Variants in INSR observed in about 807,000 individuals in gnomAD.
The protein encoded by INSR is IR.
In INSR, 67 loss-of-function variants were observed where a neutral mutation model predicts 142.6. The ratio of observed to expected loss-of-function variants is 0.47; its 90% CI spans 0.39 to 0.58. INSR has a LOEUF of 0.58. Ranked by LOEUF, INSR falls within the 20% of genes least tolerant of loss-of-function variation. The probability of loss-of-function intolerance (pLI) is 0.00; values close to 1 mark genes in which losing one functional copy is unlikely to be tolerated. For missense variants in INSR, 1,248 were observed against 1,833.2 expected, an observed-to-expected ratio of 0.68 and a Z score of 5.83; for synonymous variants, 756 against 743.1, an observed-to-expected ratio of 1.02 and a Z score of -0.28.
At chr19:7,199,015 C>G (rs1239109309) in intron 2 of INSR, among the ~76,000 whole-genome samples, 2 of 151,996 alleles carry the variant, frequency 1.3e-5, no homozygotes, top group African/African-American at 4.8e-5. Context: ...TCCCGAGTAG[C>G]TGGGACTACA....
At chr19:7,201,866 T>C (rs868145908) in intron 2 of INSR, among the ~76,000 whole-genome samples, 5 of 152,098 alleles carry the variant, frequency 3.3e-5, no homozygotes, top group Middle Eastern at 6.8e-3. Context: ...TTTCACCGTG[T>C]TAACCAGGAT....
rs879609931 is a variant in INSR at position 7,207,946 on chromosome 19, G to GAAGGAAGGAAGGA, written c.653-23310_653-23309insTCCTTCCTTCCTT. On this transcript the variant is annotated intron_variant, in intron 2 of 21. Coordinates refer to ENST00000302850, the MANE Select transcript of INSR (RefSeq NM_000208.4). ...GAAGGAAGGAAGGAAGGAAGGGAAG[G>GAAGGAAGGAAGGA]AGGGAGGGAGGGAGGGAGGGAGGCA... 1.3e-4 allele frequency among the ~76,000 whole-genome samples: 7 copies of GAAGGAAGGAAGGA among 54,954 alleles called. No homozygotes were observed. In the East Asian group the frequency reaches 3.0e-3, roughly 24 times the overall value. 36.1% of individuals were successfully genotyped at this position (54,954 alleles called of 152,430 possible). A position where few individuals can be genotyped will look rare whatever the true frequency, so the allele number is the denominator to read the frequency against.
chr19:7,150,587 C>G lies in INSR; in HGVS notation c.2232-55G>C. ...ACAGAGGGAACTTCATTAGACAGAC[C>G]ACTGGGCTCTGACACTTGGAGGCCA... On this transcript the variant is annotated intron_variant, in intron 10 of 21. Transcript: ENST00000302850. The surrounding 1 kb of genome is among the most constrained non-coding windows in gnomAD (Gnocchi z 4.2). The G allele has an allele frequency of 2.5e-6, 4 of 1,575,432 alleles. No individual in the cohort carries two copies. Among genetic ancestry groups the G allele is most frequent in the Non-Finnish European group, 3.5e-6 (4 of 1,145,676 alleles).
At chr19:7,123,702 C>T (rs958775821) in intron 17 of INSR, among the ~76,000 whole-genome samples, 1 of 151,696 alleles carries the variant, frequency 6.6e-6, no homozygotes, top group Non-Finnish European at 1.5e-5. Flanking sequence ...GCCGGTGGAT[C>T]ACCTGAATTC....
At chr19:7,261,216 C>T (rs1977053348) in intron 2 of INSR, among the ~76,000 whole-genome samples, 1 of 151,190 alleles carries the variant, frequency 6.6e-6, no homozygotes, top group African/African-American at 2.4e-5. Context: ...CTCCCTCTAA[C>T]TCTCCCCCTC....
intron 9 of INSR, among the ~76,000 whole-genome samples, chr19:7,158,271 T>G (rs1048844797): frequency 6.6e-6 from 1 of 151,632 alleles, no homozygotes; most frequent in African/African-American, 2.4e-5. Context: ...GAGGCCAAGG[T>G]GGGCAGATCA....
At chr19:7,198,899 T>TGG (rs57116223) in intron 2 of INSR, among the ~76,000 whole-genome samples, 1 of 59,742 alleles carries the variant, frequency 1.7e-5, no homozygotes, top group Non-Finnish European at 4.8e-5. Context: ...ACACTTTTTT[T>TGG]GGGGGGGGGG....
At position 7,150,007 on chromosome 19, in the gene INSR, C is replaced by T. The variant is rs1050572172; in HGVS notation, c.2267+490G>A. Among the ~76,000 whole-genome samples, 3 of 151,346 alleles carry T rather than the reference C, an allele frequency of 2.0e-5. No individual in the cohort carries two copies. Among genetic ancestry groups the T allele is most frequent in the African/African-American group, 7.4e-5 (3 of 40,778 alleles). The stretch of plus-strand genomic sequence containing the variant: ...AAGGAAGAGATCCCTGACTCTCCTC[C>T]GTGGAATTCAGTGAGCGACACGGTG... On this transcript the variant is annotated intron_variant, in intron 11 of 21. Coordinates refer to ENST00000302850, the MANE Select transcript of INSR (RefSeq NM_000208.4). The surrounding 1 kb of genome is among the most constrained non-coding windows in gnomAD (Gnocchi z 4.2).
chr19:7,190,212 C>A (rs1020417411), intron 2 of INSR, among the ~76,000 whole-genome samples: 1 of 151,868 alleles, frequency 6.6e-6, no homozygotes, highest in Non-Finnish European at 1.5e-5. Flanking sequence ...AAAAAATCAT[C>A]CCCAAAGATT....
At chr19:7,189,545 T>C (rs1974520481) in intron 2 of INSR, among the ~76,000 whole-genome samples, 1 of 152,196 alleles carries the variant, frequency 6.6e-6, no homozygotes, top group Non-Finnish European at 1.5e-5. Context: ...GCCACAGACA[T>C]ATGTACATGA....
chr19:7,165,778 AC>A (rs756581033), intron 8 of INSR, among the ~76,000 whole-genome samples: 13 of 150,984 alleles, frequency 8.6e-5, no homozygotes, highest in Non-Finnish European at 1.8e-4. Context: ...TGGGAGAATT[AC>A]TTGAACCTGG....
Position 7,267,820 on chromosome 19 carries a change from G to C in INSR, c.177C>G (p.His59Gln). 6.2e-7 allele frequency: 1 copy of C among 1,614,150 alleles called. No homozygotes were observed. The highest frequency in any genetic ancestry group is 8.5e-7 in the Non-Finnish European group (1 of 1,180,000). Residue 59 changes from histidine to glutamine, a missense_variant, in exon 2 of 22, where the codon CAC (histidine) becomes CAG (glutamine). Coordinates refer to ENST00000302850, the MANE Select transcript of INSR (RefSeq NM_000208.4). This position sits in a 1 kb window ranked among gnomAD's most constrained non-coding sequence, Gnocchi z 6.3. Reference protein sequence around the residue: ...ELENCSVIEGHLQILLMFKTR... With the variant: ...ELENCSVIEGQLQILLMFKTR... ...TTTTGAACATCAAGAGTATCTGCAA[G>C]TGTCCTTCGATGACAGAGCAATTCT...
chr19:7,254,784 G>T (rs1486554717), intron 2 of INSR, among the ~76,000 whole-genome samples: 1 of 152,152 alleles, frequency 6.6e-6, no homozygotes, highest in Non-Finnish European at 1.5e-5. Context: ...CAGTCACAAA[G>T]AACAGATTTT....
intron 19 of INSR, among the ~76,000 whole-genome samples, chr19:7,122,373 G>T (rs1430638748): frequency 6.6e-6 from 1 of 151,780 alleles, no homozygotes; most frequent in African/African-American, 2.4e-5. Flanking sequence ...AACCTGGGAG[G>T]TGGAGGTTGC....
In INSR at chr19:7,184,232, C is replaced by G. The variant is rs41315074; in HGVS notation, c.974+84G>C. The G allele has an allele frequency of 0.16, 201,779 of 1,235,696 alleles. 17,737 individuals are homozygous for G. The highest frequency in any genetic ancestry group is 0.21 in the Admixed American group (11,240 of 53,954). The allele number at this position is 1,235,696 out of a possible 1,614,324, so 76.5% of individuals were successfully genotyped here. On this transcript the variant is annotated intron_variant, in intron 3 of 21. Transcript: ENST00000302850. ...AGCCAATTAACCCTGGGTTTGCACA[C>G]AGTTTTAACAAGCGGCATCGTCACA...
In INSR at chr19:7,174,003, C is replaced by G. The variant is rs113575123; in HGVS notation, c.1123+580G>C. On this transcript the variant is annotated intron_variant, in intron 4 of 21. Transcript: ENST00000302850. ...ATTGTTAAAAACGACGATTCCAAAG[C>G]CAGGTGGGGTGGCTCATGCCTGTAA... is the stretch of plus-strand genomic sequence containing the variant. Among the ~76,000 whole-genome samples the G allele has an allele frequency of 9.5e-4, 145 of 152,008 alleles. 1 individual carries two copies. Among genetic ancestry groups the G allele is most frequent in the African/African-American group, 3.3e-3 (136 of 41,480 alleles).
intron 2 of INSR, among the ~76,000 whole-genome samples, chr19:7,194,310 G>T (rs541236080): frequency 6.6e-6 from 1 of 152,086 alleles, no homozygotes; most frequent in East Asian, 2.0e-4. Context: ...CCAGCTACTT[G>T]GGAGGCTGAG....
At chr19:7,121,920 A>C (rs1972500965) in intron 19 of INSR, among the ~76,000 whole-genome samples, 1 of 152,174 alleles carries the variant, frequency 6.6e-6, no homozygotes, top group African/African-American at 2.4e-5. Flanking sequence ...ACACAGGTGG[A>C]TCATATGAGG....
rs148531492 is a variant in INSR at position 7,267,256 on chromosome 19, A to T, written c.652+89T>A. The T allele has an allele frequency of 7.4e-4, 1,029 of 1,389,732 alleles. 9 individuals carry two copies. In the African/African-American group the frequency reaches 9.9e-3, roughly 13 times the overall value. The allele number at this position is 1,389,732 out of a possible 1,614,324, so 86.1% of individuals were successfully genotyped here. A position where few individuals can be genotyped will look rare whatever the true frequency, so the allele number is the denominator to read the frequency against. Reference sequence around the variant, plus strand: ...ACTATTCCCCGGCCCCTACCTAATGACCATTTAACATTTTTAAGCCATAAA... The same window carrying T: ...ACTATTCCCCGGCCCCTACCTAATGTCCATTTAACATTTTTAAGCCATAAA... On this transcript the variant is annotated intron_variant, in intron 2 of 21. Coordinates refer to ENST00000302850, the MANE Select transcript of INSR (RefSeq NM_000208.4). The surrounding 1 kb of genome is among the most constrained non-coding windows in gnomAD (Gnocchi z 6.3).
Sources: gnomAD v4.1 joint callset for allele counts (sites outside exome capture counted in the v4.1 genomes callset) on GRCh38, gnomAD v4.1.1 for gene constraint, Gnocchi (gnomAD v3.1) non-coding constraint, MANE v1.5 for transcripts, NCBI Gene and HGNC (gene_info 2026-07-23, HGNC 2026-07-21) for gene names.